Variants in NFAM1 observed in about 807,000 individuals in gnomAD.
NFAM1 encodes NFAT activating protein with ITAM motif 1, also known as NFAT activation molecule 1.
NFAM1 carries 17 observed loss-of-function variants against 29.0 expected under a neutral mutation model. The ratio of observed to expected loss-of-function variants is 0.59; its 90% CI spans 0.40 to 0.88. The LOEUF is 0.88. Among genes scored for constraint, NFAM1 ranks in the 40% least tolerant of loss-of-function variants. The pLI is 0.00. For synonymous variants in NFAM1, 175 were observed against 147.2 expected (o/e 1.19, Z -1.36); for missense variants, 324 against 344.6 (o/e 0.94, Z 0.47).
At chr22:42,403,726 G>A (rs1929801968) in intron 3 of NFAM1, among the ~76,000 whole-genome samples, 1 of 152,252 alleles carries the variant, frequency 6.6e-6, no homozygotes, top group African/African-American at 2.4e-5. Context: ...CTAGAGGCTG[G>A]GGCTTGGGCA....
intron 4 of NFAM1, among the ~76,000 whole-genome samples, chr22:42,391,034 G>A (rs920661470): frequency 1.3e-5 from 2 of 152,080 alleles, no homozygotes; most frequent in Non-Finnish European, 1.5e-5. Flanking sequence ...CCCAGCTGCT[G>A]GGCCTTGAAA....
Position 42,419,990 on chromosome 22 carries a change from G to GTTTT in NFAM1, c.122-8258_122-8255dup, listed in dbSNP as rs869262500. Reference sequence around the variant, plus strand: ...CTTTGAGTCTGTAATCCCACTCTTGGTTTTTTTTTTTTTTTTTTTTTTTTT... The same window carrying GTTTT: ...CTTTGAGTCTGTAATCCCACTCTTGGTTTTTTTTTTTTTTTTTTTTTTTTTTTTT... On this transcript the variant is annotated intron_variant, in intron 1 of 5. Transcript: ENST00000329021. This position sits in a 1 kb window ranked among gnomAD's most constrained non-coding sequence, Gnocchi z 4.5. Among the ~76,000 whole-genome samples, 7 of 30,520 alleles carry GTTTT rather than the reference G, an allele frequency of 2.3e-4. No individual in the cohort carries two copies. Among genetic ancestry groups the GTTTT allele is most frequent in the Admixed American group, 5.4e-4 (1 of 1,850 alleles). The allele number at this position is 30,520 out of a possible 152,430, so 20.0% of individuals were successfully genotyped here.
rs369551888 is a variant in NFAM1 at position 42,397,946 on chromosome 22, C to A, written c.575G>T (p.Arg192Leu). The change falls in exon 4 of 6, where the codon CGG (arginine) becomes CTG (leucine). Residue 192 changes from arginine (R) to leucine (L), a missense_variant. Physicochemically the swap from Arg to Leu is moderately radical, Grantham distance 102. Coordinates refer to ENST00000329021, the MANE Select transcript of NFAM1 (RefSeq NM_145912.8). Reference sequence around the variant, plus strand: ...CCTGGTGGGGTCCTTCCCTGGACCCCGCATCCGCTTCTGTAGGGAGAAAGG... The same window carrying A: ...CCTGGTGGGGTCCTTCCCTGGACCCAGCATCCGCTTCTGTAGGGAGAAAGG... ...ALLLWNKKRM[R>L]GPGKDPTRKC... is the part of the protein sequence containing the mutation. 6.3e-7 allele frequency: 1 copy of A among 1,595,604 alleles called. No individual in the cohort carries two copies.
At chr22:42,426,128 C>G (rs974331359) in intron 1 of NFAM1, among the ~76,000 whole-genome samples, 1 of 152,304 alleles carries the variant, frequency 6.6e-6, no homozygotes, top group South Asian at 2.1e-4. Flanking sequence ...CCTCTGCCTC[C>G]GGCCAACCTC....
Position 42,431,699 on chromosome 22 carries a change from A to T in NFAM1, c.121+538T>A, listed in dbSNP as rs1405559978. On this transcript the variant is annotated intron_variant, in intron 1 of 5. Coordinates refer to ENST00000329021, the MANE Select transcript of NFAM1 (RefSeq NM_145912.8). ...CTTGGCCTCTGGTTGTGTTTCAGGA[A>T]CTGGGAGGTGAGACCCTTTCTGGTG... Among the ~76,000 whole-genome samples, 5 of 152,224 alleles carry T rather than the reference A, an allele frequency of 3.3e-5. No individual in the cohort carries two copies. The South Asian group carries it at 1.0e-3, about 31-fold the overall frequency.
At position 42,398,382 on chromosome 22, in the gene NFAM1, T is replaced by TTTATTATTATTATTA. The variant is rs202112713; in HGVS notation, c.565-441_565-427dup. 1.4e-3 allele frequency among the ~76,000 whole-genome samples: 171 copies of TTTATTATTATTATTA among 125,424 alleles called. 2 individuals are homozygous for TTTATTATTATTATTA. Among genetic ancestry groups the TTTATTATTATTATTA allele is most frequent in the Middle Eastern group, 4.3e-3 (1 of 234 alleles). The allele number at this position is 125,424 out of a possible 152,430, so 82.3% of individuals were successfully genotyped here. On this transcript the variant is annotated intron_variant, in intron 3 of 5. Transcript: ENST00000329021. The stretch of plus-strand genomic sequence containing the variant: ...AGTTCCCCTCTGGGCCTTGGTTTTA[T>TTTATTATTATTATTA]TTATTATTATTATTATTATTATTAT...
intron 4 of NFAM1, among the ~76,000 whole-genome samples, chr22:42,394,780 T>C (rs1453913735): frequency 6.6e-6 from 1 of 152,180 alleles, no homozygotes; most frequent in Non-Finnish European, 1.5e-5. Context: ...ACCATCATTG[T>C]ATCAGAGGCC....
chr22:42,407,575 G>T (rs1465204546), intron 3 of NFAM1, among the ~76,000 whole-genome samples: 1 of 151,362 alleles, frequency 6.6e-6, no homozygotes, highest in African/African-American at 2.4e-5. Context: ...TTCACCACGG[G>T]GGTCAGGCTG....
At chr22:42,401,185 T>C (rs1330523504) in intron 3 of NFAM1, among the ~76,000 whole-genome samples, 1 of 152,208 alleles carries the variant, frequency 6.6e-6, no homozygotes, top group Non-Finnish European at 1.5e-5. Flanking sequence ...CATCTTGCGC[T>C]GTCTTCTGAA....
intron 1 of NFAM1, among the ~76,000 whole-genome samples, chr22:42,428,448 T>G (rs1473535436): frequency 6.6e-6 from 1 of 152,030 alleles, no homozygotes; most frequent in Non-Finnish European, 1.5e-5. Context: ...TTTTTATTAT[T>G]ATTACTTTTT....
chr22:42,411,662 T>G lies in NFAM1; in HGVS notation c.196A>C (p.Arg66=). ...TGGGGAGTGTATGGATAGGTGATCC[T>G]GCAGCTGAAGGAGATAGCTGTGTTG... ...LANTAISFSC[R]ITYPYTPQFK... Residue 66 remains arginine (R), a synonymous_variant, in exon 2 of 6, where the codon AGG becomes CGG. Transcript: ENST00000329021. 6.2e-7 allele frequency: 1 copy of G among 1,614,092 alleles called. No individual in the cohort carries two copies.
chr22:42,407,167 T>C (rs1929928846), intron 3 of NFAM1, among the ~76,000 whole-genome samples: 1 of 151,346 alleles, frequency 6.6e-6, no homozygotes, highest in African/African-American at 2.4e-5. Flanking sequence ...CTAAAATCTC[T>C]GCCTCCTGGG....
intron 1 of NFAM1, among the ~76,000 whole-genome samples, chr22:42,416,381 C>T (rs546956890): frequency 5.8e-4 from 88 of 152,112 alleles, no homozygotes; most frequent in Non-Finnish European, 1.0e-3. Context: ...AGGCTTCGGA[C>T]CCCAGTTGGT....
In NFAM1 at chr22:42,381,887, G is replaced by C. The variant is rs1928965259; in HGVS notation, c.*3274C>G. The C allele has an allele frequency of 6.6e-6, 1 of 152,428 alleles. No individual in the cohort carries two copies. Among genetic ancestry groups the C allele is most frequent in the African/African-American group, 2.4e-5 (1 of 41,448 alleles). 9.4% of individuals were successfully genotyped at this position (152,428 alleles called of 1,614,324 possible). On this transcript the variant is annotated 3_prime_UTR_variant, in exon 6 of 6. Coordinates refer to ENST00000329021, the MANE Select transcript of NFAM1 (RefSeq NM_145912.8). Reference sequence around the variant, plus strand: ...GGCACTCCTTAAAGGCATGGCTGCAGAGAGCCTGGGCCCAGCTCCCAGGGA... The same window carrying C: ...GGCACTCCTTAAAGGCATGGCTGCACAGAGCCTGGGCCCAGCTCCCAGGGA...
At chr22:42,407,610 A>C (rs1929942524) in intron 3 of NFAM1, among the ~76,000 whole-genome samples, 1 of 151,582 alleles carries the variant, frequency 6.6e-6, no homozygotes, top group Non-Finnish European at 1.5e-5. Context: ...TTCTTTTTTG[A>C]GATGGTCTCC....
chr22:42,381,997 A>T lies in NFAM1; in HGVS notation c.*3164T>A, dbSNP rs775179480. 1 of 152,458 alleles carries T rather than the reference A, an allele frequency of 6.6e-6. No homozygotes were observed. The highest frequency in any genetic ancestry group is 1.5e-5 in the Non-Finnish European group (1 of 68,290). 9.4% of individuals were successfully genotyped at this position (152,458 alleles called of 1,614,324 possible). On this transcript the variant is annotated 3_prime_UTR_variant, in exon 6 of 6. Coordinates refer to ENST00000329021, the MANE Select transcript of NFAM1 (RefSeq NM_145912.8). ...CGAGTCTTGAAGGAAATGCACACCC[A>T]CTGAGCTTCTGCCTGAGCCAGGGAG...
chr22:42,405,580 A>G (rs563455922), intron 3 of NFAM1, among the ~76,000 whole-genome samples: 1 of 152,298 alleles, frequency 6.6e-6, no homozygotes, highest in South Asian at 2.1e-4. Context: ...GGCACATGGC[A>G]GGTGCATACT....
intron 4 of NFAM1, among the ~76,000 whole-genome samples, chr22:42,396,760 G>A (rs1031390023): frequency 6.6e-6 from 1 of 152,226 alleles, no homozygotes; most frequent in African/African-American, 2.4e-5. Context: ...GCCCCACAGG[G>A]ACATTTCCTT....
At chr22:42,398,234 C>G (rs1322968859) in intron 3 of NFAM1, among the ~76,000 whole-genome samples, 2 of 152,184 alleles carry the variant, frequency 1.3e-5, no homozygotes, top group African/African-American at 2.4e-5. Context: ...CTACTGGGAC[C>G]AGTGCCAGTG....
Sources: gnomAD v4.1 joint callset for allele counts (sites outside exome capture counted in the v4.1 genomes callset) on GRCh38, gnomAD v4.1.1 for gene constraint, Gnocchi (gnomAD v3.1) non-coding constraint, MANE v1.5 for transcripts, NCBI Gene and HGNC (gene_info 2026-07-23, HGNC 2026-07-21) for gene names.